DTWD2: variants seen among roughly 807,000 people sequenced by gnomAD.
DTWD2 encodes the protein DTW motif tRNA-uridine aminocarboxypropyltransferase 2, also known as tRNA-uridine aminocarboxypropyltransferase 2.
DTWD2 carries 39 observed loss-of-function variants against 31.8 expected under a neutral mutation model. The observed-to-expected ratio is 1.22, with a 90% confidence interval of 0.95 to 1.60. The LOEUF is 1.60. Among genes scored for constraint, DTWD2 ranks in the 40% most tolerant of loss-of-function variants. The pLI is 0.00. For missense variants in DTWD2, 515 were observed against 381.5 expected, an observed-to-expected ratio of 1.35 and a Z score of -2.92; for synonymous variants, 180 against 142.8, an observed-to-expected ratio of 1.26 and a Z score of -1.86.
intron 3 of DTWD2, among the ~76,000 whole-genome samples, chr5:118,936,319 C>CT (rs1404683644): frequency 6.6e-6 from 1 of 152,084 alleles, no homozygotes; most frequent in Non-Finnish European, 1.5e-5. Context: ...GGGTAAGATA[C>CT]TTTGAGGCCA....
At chr5:118,900,383 T>C (rs1753178592) in intron 4 of DTWD2, among the ~76,000 whole-genome samples, 1 of 152,178 alleles carries the variant, frequency 6.6e-6, no homozygotes, top group Non-Finnish European at 1.5e-5. Context: ...TAAACATCTC[T>C]AAATCAGTAG....
chr5:118,930,801 T>C (rs1445723379), intron 3 of DTWD2, among the ~76,000 whole-genome samples: 1 of 151,848 alleles, frequency 6.6e-6, no homozygotes, highest in Non-Finnish European at 1.5e-5. Context: ...GGATAACAAA[T>C]AGGAAAATCA....
intron 4 of DTWD2, among the ~76,000 whole-genome samples, chr5:118,916,642 G>C (rs1169763505): frequency 6.9e-6 from 1 of 145,096 alleles, no homozygotes; most frequent in African/African-American, 2.6e-5. Flanking sequence ...TGCAGCCTGG[G>C]CAACAAAAGT....
At chr5:118,886,369 A>T (rs1752867863) in intron 4 of DTWD2, among the ~76,000 whole-genome samples, 2 of 152,262 alleles carry the variant, frequency 1.3e-5, no homozygotes, top group African/African-American at 2.4e-5. Flanking sequence ...CAACTATTAA[A>T]GCATGAAATA....
At chr5:118,939,148 G>C (rs145276913) in intron 3 of DTWD2, 48 bp downstream of exon 3, 9 of 1,523,706 alleles carry the variant, frequency 5.9e-6, no homozygotes, top group Middle Eastern at 1.7e-4. Flanking sequence ...CATTTTTTAA[G>C]ATCTGTGTAG....
intron 4 of DTWD2, among the ~76,000 whole-genome samples, chr5:118,902,904 A>G (rs921650561): frequency 1.3e-5 from 2 of 152,116 alleles, no homozygotes; most frequent in African/African-American, 4.8e-5. Context: ...TATACCACAT[A>G]GTTTATACCA....
At chr5:118,910,511 T>C (rs888259571) in intron 4 of DTWD2, among the ~76,000 whole-genome samples, 2 of 152,212 alleles carry the variant, frequency 1.3e-5, no homozygotes, top group African/African-American at 4.8e-5. Context: ...CTAAGAAAAC[T>C]GGGGCTTTCT....
At chr5:118,887,629 TTTTG>T (rs1041087665) in intron 4 of DTWD2, among the ~76,000 whole-genome samples, 2 of 152,188 alleles carry the variant, frequency 1.3e-5, no homozygotes, top group Admixed American at 1.3e-4. Flanking sequence ...TGGCGTTTTG[TTTTG>T]TTTAAGACAG....
At chr5:118,895,744 C>A (rs184524699) in intron 4 of DTWD2, among the ~76,000 whole-genome samples, 1 of 152,076 alleles carries the variant, frequency 6.6e-6, no homozygotes, top group East Asian at 1.9e-4. Context: ...AACAGAGGCA[C>A]CAAGAACATA....
chr5:118,954,943 C>A (rs1424973574), intron 1 of DTWD2, among the ~76,000 whole-genome samples: 1 of 151,910 alleles, frequency 6.6e-6, no homozygotes, highest in African/African-American at 2.4e-5. Flanking sequence ...TCCTTTATGC[C>A]CTCTCTGGTA....
chr5:118,861,350 G>A (rs1752256436), intron 4 of DTWD2, among the ~76,000 whole-genome samples: 1 of 152,150 alleles, frequency 6.6e-6, no homozygotes, highest in Non-Finnish European at 1.5e-5. Context: ...TTTCATTCTT[G>A]GGGCTTCATC....
chr5:118,973,315 T>G (rs972273720), intron 1 of DTWD2, among the ~76,000 whole-genome samples: 6 of 152,222 alleles, frequency 3.9e-5, no homozygotes, highest in African/African-American at 1.4e-4. Flanking sequence ...AGCTGGTTAT[T>G]TTGCCCCTTA....
In DTWD2 at chr5:118,988,537, C is replaced by T. The variant is rs781415108; in HGVS notation, c.-26G>A. The T allele has an allele frequency of 1.3e-6, 2 of 1,488,074 alleles. No homozygotes were observed. The highest frequency in any genetic ancestry group is 1.8e-6 in the Non-Finnish European group (2 of 1,122,226). The allele number at this position is 1,488,074 out of a possible 1,614,324, so 92.2% of individuals were successfully genotyped here. On this transcript the variant is annotated 5_prime_UTR_variant, in exon 1 of 6. It removes an upstream start codon present in the reference 5' UTR. Transcript: ENST00000510708. ...GGCGGACACTCCGGTCAGGCCGTGG[C>T]ATTGAAGCCCGGCTGCCGCCGGGGG...
At chr5:118,972,614 A>G (rs1755013307) in intron 1 of DTWD2, among the ~76,000 whole-genome samples, 1 of 152,200 alleles carries the variant, frequency 6.6e-6, no homozygotes, top group African/African-American at 2.4e-5. Context: ...ACTCCTCCCA[A>G]ACTCATTTTA....
intron 1 of DTWD2, among the ~76,000 whole-genome samples, chr5:118,968,280 G>A (rs1339834874): frequency 1.3e-5 from 2 of 152,056 alleles, no homozygotes; most frequent in African/African-American, 2.4e-5. Flanking sequence ...AATGTGGGAT[G>A]CTGAGTTAGA....
At chr5:118,914,545 TATA>T (rs144759217) in intron 4 of DTWD2, among the ~76,000 whole-genome samples, 1,836 of 152,272 alleles carry the variant, frequency 0.012, 34 homozygotes, top group African/African-American at 0.042. Context: ...CTACAGTAAA[TATA>T]ATAAGACATT....
chr5:118,981,168 GA>G (rs1353805958), intron 1 of DTWD2, among the ~76,000 whole-genome samples: 6 of 152,186 alleles, frequency 3.9e-5, no homozygotes, highest in African/African-American at 1.4e-4. Flanking sequence ...AAGTAGAATA[GA>G]GGTTACCAGG....
chr5:118,884,873 G>GC (rs1334735404), intron 4 of DTWD2, among the ~76,000 whole-genome samples: 1 of 151,716 alleles, frequency 6.6e-6, no homozygotes, highest in Non-Finnish European at 1.5e-5. Flanking sequence ...GGGCGTGGTG[G>GC]CAGTCCCAGC....
chr5:118,919,813 T>G (rs769109072), intron 4 of DTWD2, among the ~76,000 whole-genome samples: 1 of 152,186 alleles, frequency 6.6e-6, no homozygotes, highest in African/African-American at 2.4e-5. Context: ...TATACTATAT[T>G]TGAAATTTTA....
Sources: allele counts gnomAD v4.1 joint callset (sites outside exome capture counted in the v4.1 genomes callset), GRCh38; gene constraint gnomAD v4.1.1; transcripts MANE v1.5; gene names NCBI Gene and HGNC (gene_info 2026-07-23, HGNC 2026-07-21).